Variants in CECR2 observed in about 807,000 individuals in gnomAD.
CECR2 encodes CECR2 histone acetyl-lysine reader.
CECR2 carries 30 observed loss-of-function variants against 154.5 expected under a neutral mutation model. That is an observed-to-expected ratio of 0.19 (90% CI 0.15 to 0.26). The LOEUF (loss-of-function observed/expected upper bound fraction) is 0.26, where lower values mean the gene tolerates loss of function less well. Ranked by LOEUF, CECR2 falls within the 10% of genes least tolerant of loss-of-function variation. The pLI is 1.00. For synonymous variants in CECR2, 725 were observed against 683.7 expected, an observed-to-expected ratio of 1.06 and a Z score of -0.94; for missense variants, 1,743 against 1,829.3, an observed-to-expected ratio of 0.95 and a Z score of 0.86.
intron 1 of CECR2, among the ~76,000 whole-genome samples, chr22:17,449,590 C>T (rs1438194070): frequency 1.4e-5 from 2 of 146,134 alleles, no homozygotes; most frequent in East Asian, 4.2e-4. Context: ...CCCAGGTTCA[C>T]GCCATTCTCC....
At chr22:17,383,679 T>TTTTTTTTG (rs1162930144) in intron 1 of CECR2, among the ~76,000 whole-genome samples, 1 of 147,624 alleles carries the variant, frequency 6.8e-6, no homozygotes, top group African/African-American at 2.5e-5. Context: ...TTTTTTTTTT[T>TTTTTTTTG]GAAGTGGAGT....
intron 1 of CECR2, among the ~76,000 whole-genome samples, chr22:17,421,839 C>T (rs1393041037): frequency 2.7e-5 from 4 of 147,318 alleles, no homozygotes; most frequent in Non-Finnish European, 3.0e-5. Flanking sequence ...CTGATAAAAC[C>T]GCATCTCTAC....
upstream of CECR2, among the ~76,000 whole-genome samples, chr22:17,368,926 C>A (rs1284386494): frequency 6.6e-6 from 1 of 152,152 alleles, no homozygotes; most frequent in Non-Finnish European, 1.5e-5. Flanking sequence ...AAAGCCACTT[C>A]AGAGCTCCTT....
At chr22:17,383,378 C>G (rs1434447736) in intron 1 of CECR2, among the ~76,000 whole-genome samples, 1 of 152,224 alleles carries the variant, frequency 6.6e-6, no homozygotes, top group Admixed American at 6.5e-5. Context: ...AGTAAAACTT[C>G]TTTCAAAATT....
chr22:17,452,203 G>C (rs61322560), intron 1 of CECR2, among the ~76,000 whole-genome samples: 2,189 of 152,296 alleles, frequency 0.014, 50 homozygotes, highest in African/African-American at 0.05. Context: ...CTCTGGAATA[G>C]CTGGGATTAC....
At chr22:17,535,675 C>CT (rs931665432) in intron 9 of CECR2, among the ~76,000 whole-genome samples, 24 of 134,586 alleles carry the variant, frequency 1.8e-4, no homozygotes, top group Non-Finnish European at 3.7e-4. Context: ...TGAAATTTTT[C>CT]TTTTTTTTCC....
intron 1 of CECR2, among the ~76,000 whole-genome samples, chr22:17,406,614 T>G (rs1293859134): frequency 6.6e-6 from 1 of 152,006 alleles, no homozygotes. Flanking sequence ...ATTCAGAGAC[T>G]TCTTTATCTT....
chr22:17,471,363 G>A (rs2055123981), intron 1 of CECR2, among the ~76,000 whole-genome samples: 1 of 152,068 alleles, frequency 6.6e-6, no homozygotes, highest in Non-Finnish European at 1.5e-5. Context: ...AATTGTTCTA[G>A]TCACCTAGGA....
intron 1 of CECR2, among the ~76,000 whole-genome samples, chr22:17,442,979 G>A (rs769066058): frequency 2.0e-5 from 3 of 152,158 alleles, no homozygotes; most frequent in Non-Finnish European, 2.9e-5. Context: ...CTTTATCTTG[G>A]AAGAAAACCC....
At chr22:17,548,074 G>C in intron 16 of CECR2, 74 bp from the exon 17 acceptor site, 1 of 1,315,630 alleles carries the variant, frequency 7.6e-7, no homozygotes, top group Non-Finnish European at 1.0e-6. Context: ...TCTGACTCAG[G>C]CATGTTCTTC....
At chr22:17,394,458 G>A (rs1185485097) in intron 1 of CECR2, among the ~76,000 whole-genome samples, 2 of 151,792 alleles carry the variant, frequency 1.3e-5, no homozygotes, top group African/African-American at 2.4e-5. Flanking sequence ...ATGCTCCTGC[G>A]TAGGTTTTCT....
At chr22:17,364,934 T>C (rs939468155), upstream of CECR2, among the ~76,000 whole-genome samples, 2 of 152,058 alleles carry the variant, frequency 1.3e-5, no homozygotes, top group South Asian at 2.1e-4. Context: ...CAGTTAGATT[T>C]GGATGCTTGG....
chr22:17,557,043 T>C lies in CECR2; in HGVS notation c.*4203T>C, dbSNP rs1292934724. ...CTGGGCTCCCTATTTCTTTTTTGGGTTGGACTCTGCCGTGCAGCCATAGGA... is the reference window on the plus strand; with the variant it reads ...CTGGGCTCCCTATTTCTTTTTTGGGCTGGACTCTGCCGTGCAGCCATAGGA... On this transcript the variant is annotated 3_prime_UTR_variant, in exon 19 of 19. Coordinates refer to ENST00000262608, the MANE Select transcript of CECR2 (RefSeq NM_001290047.2). 6.6e-6 allele frequency: 1 copy of C among 152,172 alleles called. No individual in the cohort carries two copies. The highest frequency in any genetic ancestry group is 1.9e-4 in the East Asian group (1 of 5,206). The allele number at this position is 152,172 out of a possible 1,614,324, so 9.4% of individuals were successfully genotyped here. A position where few individuals can be genotyped will look rare whatever the true frequency, so the allele number is the denominator to read the frequency against.
At chr22:17,400,856 T>C (rs936455737) in intron 1 of CECR2, among the ~76,000 whole-genome samples, 5 of 152,142 alleles carry the variant, frequency 3.3e-5, no homozygotes, top group Non-Finnish European at 7.4e-5. Flanking sequence ...GCTCAAGCAG[T>C]CCTCTGGCCT....
At chr22:17,525,266 C>G (rs13056605) in intron 9 of CECR2, among the ~76,000 whole-genome samples, 1 of 80,724 alleles carries the variant, frequency 1.2e-5, no homozygotes, top group East Asian at 4.4e-4. Flanking sequence ...GCCTGGGCAA[C>G]AAGAGTGAAA....
chr22:17,502,620 G>A (rs1304143811), intron 5 of CECR2, among the ~76,000 whole-genome samples: 1 of 152,098 alleles, frequency 6.6e-6, no homozygotes, highest in Non-Finnish European at 1.5e-5. Flanking sequence ...TGGCCAACAT[G>A]GTGAAATCCC....
chr22:17,499,224 C>G (rs1390519166), intron 3 of CECR2, among the ~76,000 whole-genome samples, 186 bp from the exon 4 acceptor site: 1 of 151,830 alleles, frequency 6.6e-6, no homozygotes, highest in South Asian at 2.1e-4. Context: ...CTCCTGACCC[C>G]ATGATTTGCC....
chr22:17,486,511 C>T (rs988307608), intron 2 of CECR2, among the ~76,000 whole-genome samples: 6 of 152,144 alleles, frequency 3.9e-5, no homozygotes, highest in African/African-American at 1.2e-4. Flanking sequence ...ACGCCCCTTG[C>T]GGCTTGGATG....
chr22:17,513,230 A>T (rs2055991279), intron 8 of CECR2, among the ~76,000 whole-genome samples: 1 of 152,236 alleles, frequency 6.6e-6, no homozygotes, highest in Non-Finnish European at 1.5e-5. Context: ...ATCACACTGT[A>T]GGAAGGGACA....
Sources: gnomAD v4.1 joint callset for allele counts (sites outside exome capture counted in the v4.1 genomes callset) on GRCh38, gnomAD v4.1.1 for gene constraint, MANE v1.5 for transcripts, NCBI Gene and HGNC (gene_info 2026-07-23, HGNC 2026-07-21) for gene names.